Variants in AUTS2 observed in about 807,000 individuals in gnomAD.
AUTS2 encodes the protein activator of transcription and developmental regulator AUTS2, also known as autism susceptibility gene 2 protein.
In AUTS2, 17 loss-of-function variants were observed where a neutral mutation model predicts 112.4. The ratio of observed to expected loss-of-function variants is 0.15; its 90% confidence interval spans 0.10 to 0.23. The LOEUF (loss-of-function observed/expected upper bound fraction) is 0.23, where lower values mean the gene tolerates loss of function less well. Ranked by LOEUF, AUTS2 falls within the 10% of genes least tolerant of loss-of-function variation. The probability of loss-of-function intolerance (pLI) is 1.00; values close to 1 mark genes in which losing one functional copy is unlikely to be tolerated. For missense variants in AUTS2, 1,510 were observed against 1,701.6 expected (o/e 0.89, Z 1.98); for synonymous variants, 751 against 702.7 (o/e 1.07, Z -1.09).
intron 1 of AUTS2, among the ~76,000 whole-genome samples, chr7:69,659,564 G>A (rs1172624018): frequency 7.0e-6 from 1 of 142,562 alleles, no homozygotes; most frequent in Non-Finnish European, 1.5e-5. Flanking sequence ...TTTATGGATG[G>A]GAAAGCTGAG....
chr7:70,261,732 A>G (rs561924294), intron 4 of AUTS2, among the ~76,000 whole-genome samples: 15 of 152,290 alleles, frequency 9.8e-5, no homozygotes, highest in African/African-American at 3.4e-4. Flanking sequence ...TCTCCTCCCT[A>G]CAGTTGTTAT....
chr7:70,033,123 G>A (rs1446747850), intron 2 of AUTS2, among the ~76,000 whole-genome samples: 3 of 152,060 alleles, frequency 2.0e-5, no homozygotes, highest in Admixed American at 1.3e-4. Context: ...GGTAATAGTT[G>A]CACAACTATC....
chr7:70,063,473 T>C (rs968582266), intron 2 of AUTS2, among the ~76,000 whole-genome samples: 2 of 152,164 alleles, frequency 1.3e-5, no homozygotes, highest in African/African-American at 2.4e-5. Flanking sequence ...CTGGCTTGTG[T>C]GATCATGGGC....
chr7:70,781,374 A>AC (rs1468577492), intron 14 of AUTS2: 1 of 345,974 alleles, frequency 2.9e-6, no homozygotes, highest in Non-Finnish European at 5.1e-6. Context: ...CAAAAAAAAA[A>AC]AAAAAAAAAA....
chr7:70,439,249 T>G (rs941610440), intron 5 of AUTS2, among the ~76,000 whole-genome samples: 1 of 151,292 alleles, frequency 6.6e-6, no homozygotes, highest in Non-Finnish European at 1.5e-5. Flanking sequence ...TCATGAAGAG[T>G]AGAAATTGGG....
chr7:70,119,500 G>C (rs1805570203), intron 3 of AUTS2: 1 of 152,142 alleles, frequency 6.6e-6, no homozygotes, highest in Non-Finnish European at 1.5e-5. Flanking sequence ...GAGTAGCCTG[G>C]ATTACAGGCG....
intron 1 of AUTS2, among the ~76,000 whole-genome samples, chr7:69,623,133 G>A (rs1173060354): frequency 2.0e-5 from 3 of 152,130 alleles, no homozygotes; most frequent in Non-Finnish European, 4.4e-5. Context: ...TGGTAACTTG[G>A]TAAACATACT....
chr7:70,435,087 C>T (rs1257650924), intron 4 of AUTS2, among the ~76,000 whole-genome samples: 1 of 152,140 alleles, frequency 6.6e-6, no homozygotes, highest in African/African-American at 2.4e-5. Flanking sequence ...GGCCCTAAAG[C>T]ATACTTTTTT....
At chr7:70,211,591 G>A (rs1810898223) in intron 4 of AUTS2, among the ~76,000 whole-genome samples, 1 of 151,452 alleles carries the variant, frequency 6.6e-6, no homozygotes, top group African/African-American at 2.4e-5. Context: ...GGAGGTTGCA[G>A]TGAGCCGAGA....
intron 1 of AUTS2, among the ~76,000 whole-genome samples, chr7:69,867,872 T>C (rs1793306152): frequency 6.6e-6 from 1 of 152,166 alleles, no homozygotes; most frequent in Non-Finnish European, 1.5e-5. Flanking sequence ...ACAGGACACA[T>C]AGATAAATTT....
At chr7:70,465,451 G>T (rs1159992141) in intron 5 of AUTS2, among the ~76,000 whole-genome samples, 3 of 152,202 alleles carry the variant, frequency 2.0e-5, no homozygotes, top group African/African-American at 4.8e-5. Context: ...GAAATGTGAG[G>T]ACAGGTAAAA....
chr7:70,445,805 G>A (rs1796295571), intron 5 of AUTS2, among the ~76,000 whole-genome samples: 1 of 152,160 alleles, frequency 6.6e-6, no homozygotes, highest in Non-Finnish European at 1.5e-5. Context: ...AGCATCCCAT[G>A]CCTAGCATGT....
At chr7:70,291,519 G>C (rs1318350466) in intron 4 of AUTS2, 1 of 152,098 alleles carries the variant, frequency 6.6e-6, no homozygotes, top group Non-Finnish European at 1.5e-5. Context: ...AATGGGGGAA[G>C]TGGTATATTT....
intron 1 of AUTS2, among the ~76,000 whole-genome samples, chr7:69,705,751 AT>A (rs1231748388): frequency 6.6e-6 from 1 of 152,126 alleles, no homozygotes; most frequent in Non-Finnish European, 1.5e-5. Flanking sequence ...ATAGAAATGT[AT>A]TTTCTCTCAG....
intron 1 of AUTS2, among the ~76,000 whole-genome samples, chr7:69,678,017 TG>T (rs1318676476): frequency 6.6e-6 from 1 of 152,142 alleles, no homozygotes; most frequent in Non-Finnish European, 1.5e-5. Flanking sequence ...AGCAAGCTCT[TG>T]GGGTAAGGTT....
intron 1 of AUTS2, among the ~76,000 whole-genome samples, chr7:69,641,028 C>T (rs924122971): frequency 2.0e-5 from 3 of 152,126 alleles, no homozygotes; most frequent in Non-Finnish European, 4.4e-5. Context: ...TTTACAGTTA[C>T]GGAAGTTGAA....
intron 4 of AUTS2, among the ~76,000 whole-genome samples, chr7:70,367,577 A>T (rs571292866): frequency 1.2e-3 from 179 of 150,350 alleles, no homozygotes; most frequent in African/African-American, 4.0e-3. Flanking sequence ...AAATTGTAAA[A>T]AATAATAATA....
intron 2 of AUTS2, among the ~76,000 whole-genome samples, chr7:70,063,173 A>G (rs1465687229): frequency 6.6e-6 from 1 of 151,960 alleles, no homozygotes; most frequent in Admixed American, 6.6e-5. Flanking sequence ...ACTTGTTTTT[A>G]TTGGATATGA....
intron 2 of AUTS2, among the ~76,000 whole-genome samples, chr7:70,078,338 C>T (rs933753962): frequency 1.3e-5 from 2 of 152,064 alleles, no homozygotes; most frequent in Admixed American, 1.3e-4. Flanking sequence ...ATCAGGACAA[C>T]GTGAGAATTT....
Sources: allele counts gnomAD v4.1 joint callset (sites outside exome capture counted in the v4.1 genomes callset), GRCh38; gene constraint gnomAD v4.1.1; transcripts MANE v1.5; gene names NCBI Gene and HGNC (gene_info 2026-07-23, HGNC 2026-07-21).